The following DLGAP1 variants were observed in gnomAD, a reference collection of about 807,000 sequenced individuals.
DLGAP1 encodes the protein DLG associated protein 1, also known as disks large-associated protein 1.
DLGAP1 carries 11 observed loss-of-function variants against 90.8 expected under a neutral mutation model. That is an observed-to-expected ratio of 0.12 (90% CI 0.08 to 0.20). The LOEUF is 0.20. DLGAP1 is among the 10% of genes least tolerant of loss of function. The probability of loss-of-function intolerance (pLI) is 1.00; values close to 1 mark genes in which losing one functional copy is unlikely to be tolerated. For synonymous variants in DLGAP1, 558 were observed against 540.7 expected, an observed-to-expected ratio of 1.03 and a Z score of -0.44; for missense variants, 1,050 against 1,333.8, an observed-to-expected ratio of 0.79 and a Z score of 3.31.
At chr18:3,993,545 G>A (rs778553878) in intron 3 of DLGAP1, among the ~76,000 whole-genome samples, 42 of 152,000 alleles carry the variant, frequency 2.8e-4, no homozygotes, top group Non-Finnish European at 5.3e-4. Flanking sequence ...GGCAAGGAGA[G>A]CAATATTTTA....
At chr18:3,647,979 G>A (rs1250730298) in intron 7 of DLGAP1, among the ~76,000 whole-genome samples, 1 of 152,140 alleles carries the variant, frequency 6.6e-6, no homozygotes, top group Non-Finnish European at 1.5e-5. Context: ...TATTTAAGGA[G>A]GGCATGTATA....
intron 3 of DLGAP1, among the ~76,000 whole-genome samples, chr18:3,956,677 C>T (rs1254966475): frequency 2.6e-5 from 4 of 152,058 alleles, no homozygotes; most frequent in South Asian, 2.1e-4. Context: ...GACAGGGTCT[C>T]GCTCTGTCAC....
chr18:3,821,473 C>T (rs973684249), intron 4 of DLGAP1, among the ~76,000 whole-genome samples: 2 of 151,982 alleles, frequency 1.3e-5, no homozygotes, highest in African/African-American at 4.8e-5. Flanking sequence ...GGTGCACGCT[C>T]CCACTCAACA....
At chr18:3,807,768 T>C (rs1364182405) in intron 5 of DLGAP1, among the ~76,000 whole-genome samples, 1 of 152,196 alleles carries the variant, frequency 6.6e-6, no homozygotes, top group East Asian at 1.9e-4. Flanking sequence ...GACTCTTAAC[T>C]TTTAAAAATG....
rs544453701 is a variant in DLGAP1 at position 3,880,608 on chromosome 18, C to T, written c.-72-468G>A. Among the ~76,000 whole-genome samples the T allele has an allele frequency of 2.6e-5, 4 of 152,166 alleles. No individual in the cohort carries two copies. In the East Asian group the frequency reaches 7.8e-4, roughly 30 times the overall value. ...CTCTGTGGGGCAGGAAAGCTGACTC[C>T]AAAGCCTGTAGGGAGAGAAGGTGGA... is the stretch of plus-strand genomic sequence containing the variant. On this transcript the variant is annotated intron_variant, in intron 3 of 12. Transcript: ENST00000315677.
At chr18:3,881,217 C>T (rs953209156) in intron 3 of DLGAP1, among the ~76,000 whole-genome samples, 3 of 151,968 alleles carry the variant, frequency 2.0e-5, no homozygotes, top group Non-Finnish European at 4.4e-5. Context: ...CTCTCTCTCC[C>T]GGGTTCAAGT....
intron 1 of DLGAP1, among the ~76,000 whole-genome samples, chr18:4,323,949 A>C (rs184900267): frequency 4.4e-4 from 67 of 152,230 alleles, no homozygotes; most frequent in Non-Finnish European, 6.5e-4. Flanking sequence ...CACCTAACAT[A>C]ACAACTGGAA....
At chr18:4,389,807 T>C (rs2082304496) in intron 1 of DLGAP1, among the ~76,000 whole-genome samples, 1 of 152,218 alleles carries the variant, frequency 6.6e-6, no homozygotes, top group African/African-American at 2.4e-5. Context: ...ACGAGTTTGC[T>C]GTTGGCACAC....
intron 7 of DLGAP1, among the ~76,000 whole-genome samples, chr18:3,652,150 C>T (rs1463339032): frequency 2.3e-5 from 3 of 131,260 alleles, no homozygotes; most frequent in South Asian, 2.3e-4. Flanking sequence ...GGCGACAGAG[C>T]GAGACTCTGT....
chr18:4,274,668 C>G (rs2079369064), intron 1 of DLGAP1, among the ~76,000 whole-genome samples: 1 of 152,138 alleles, frequency 6.6e-6, no homozygotes, highest in South Asian at 2.1e-4. Context: ...ATTGCAGAAA[C>G]TTGCACTTGT....
At chr18:3,616,687 C>T (rs915066055) in intron 7 of DLGAP1, among the ~76,000 whole-genome samples, 2 of 151,726 alleles carry the variant, frequency 1.3e-5, no homozygotes, top group Admixed American at 6.6e-5. Flanking sequence ...CCCAGAAGGT[C>T]GAGGCTGCAG....
intron 4 of DLGAP1, among the ~76,000 whole-genome samples, chr18:3,816,100 T>A (rs1172686757): frequency 6.6e-6 from 1 of 152,160 alleles, no homozygotes; most frequent in Non-Finnish European, 1.5e-5. Flanking sequence ...AAAAAAAAAT[T>A]GCCTATAAGA....
At chr18:4,160,037 T>C (rs1185967999) in intron 1 of DLGAP1, among the ~76,000 whole-genome samples, 4 of 152,252 alleles carry the variant, frequency 2.6e-5, no homozygotes, top group Non-Finnish European at 5.9e-5. Context: ...TGACTCATTG[T>C]GATATCACAA....
chr18:4,417,172 C>T (rs2082919229), intron 1 of DLGAP1, among the ~76,000 whole-genome samples: 1 of 152,098 alleles, frequency 6.6e-6, no homozygotes, highest in Non-Finnish European at 1.5e-5. Flanking sequence ...TGATGTGTGA[C>T]TGTGACATGG....
chr18:3,789,645 G>T (rs1257889428), intron 5 of DLGAP1, among the ~76,000 whole-genome samples: 1 of 152,150 alleles, frequency 6.6e-6, no homozygotes, highest in Admixed American at 6.5e-5. Context: ...AGAGAGAGGG[G>T]CATCACTTAA....
rs191266069 is a variant in DLGAP1, at chr18:4,163,208, T to C, written c.-266-11921A>G. On this transcript the variant is annotated intron_variant, in intron 1 of 12. Transcript: ENST00000315677. ...ATTGCTGGACATATATCTTCTAATA[T>C]ACATATACCCACTCTTCAGTAGTGT... Among the ~76,000 whole-genome samples, 275 of 152,346 alleles carry C rather than the reference T, an allele frequency of 1.8e-3. 1 individual carries two copies. The highest frequency in any genetic ancestry group is 5.5e-3 in the African/African-American group (230 of 41,574).
At chr18:3,958,937 C>T (rs1401157521) in intron 3 of DLGAP1, among the ~76,000 whole-genome samples, 1 of 152,196 alleles carries the variant, frequency 6.6e-6, no homozygotes, top group Non-Finnish European at 1.5e-5. Context: ...TTATCTTATT[C>T]TTAGACCTCG....
chr18:3,844,364 C>T (rs1450901802), intron 4 of DLGAP1, among the ~76,000 whole-genome samples: 1 of 152,192 alleles, frequency 6.6e-6, no homozygotes, highest in Non-Finnish European at 1.5e-5. Flanking sequence ...ATGATAATTT[C>T]TTCCCCAGCT....
chr18:4,292,387 T>A (rs972082420), intron 1 of DLGAP1, among the ~76,000 whole-genome samples: 1 of 152,136 alleles, frequency 6.6e-6, no homozygotes, highest in Non-Finnish European at 1.5e-5. Flanking sequence ...ACCAAGTTTT[T>A]TTTTCATTTG....
Sources: allele counts gnomAD v4.1 joint callset (sites outside exome capture counted in the v4.1 genomes callset), GRCh38; gene constraint gnomAD v4.1.1; transcripts MANE v1.5; gene names NCBI Gene and HGNC (gene_info 2026-07-23, HGNC 2026-07-21).